The following SLC45A4 variants were observed in gnomAD, a reference collection of about 807,000 sequenced individuals.
The protein encoded by SLC45A4 is polyamine-transporter SLC45A4.
A neutral mutation model predicts 63.7 loss-of-function variants in SLC45A4; 32 were observed. That is an observed-to-expected ratio of 0.50 (90% CI 0.38 to 0.67). SLC45A4 has a LOEUF of 0.67. Ranked by LOEUF, SLC45A4 falls within the 30% of genes least tolerant of loss-of-function variation. The pLI, the probability that SLC45A4 is intolerant of heterozygous loss-of-function variation, is 0.00. For synonymous variants in SLC45A4, 535 were observed against 510.0 expected, an observed-to-expected ratio of 1.05 and a Z score of -0.66; for missense variants, 1,027 against 1,157.7, an observed-to-expected ratio of 0.89 and a Z score of 1.64.
chr8:141,223,527 G>T (rs779058288), intron 2 of SLC45A4, among the ~76,000 whole-genome samples: 1 of 152,172 alleles, frequency 6.6e-6, no homozygotes, highest in Non-Finnish European at 1.5e-5. Context: ...CGGCAAACCC[G>T]TGCCAGGCAG....
chr8:141,289,716 C>T (rs1830278154), intron 1 of SLC45A4, among the ~76,000 whole-genome samples: 1 of 152,092 alleles, frequency 6.6e-6, no homozygotes, highest in Non-Finnish European at 1.5e-5. Flanking sequence ...CGGCTGTGGC[C>T]TCTGCAGAGG....
At chr8:141,249,114 C>CTAAA (rs1828351263) in intron 2 of SLC45A4, among the ~76,000 whole-genome samples, 5 of 151,792 alleles carry the variant, frequency 3.3e-5, no homozygotes. Flanking sequence ...ACTGACAACA[C>CTAAA]TAAACATTGA....
rs536695880 is a variant in SLC45A4 at position 141,274,903 on chromosome 8, C to T, written c.-400-20274G>A. ...GTAAACTCACAACAGGGGTTCACCA[C>T]AAGGAAAAGGGGGCCCCAGGGGCAT... On this transcript the variant is annotated intron_variant, in intron 1 of 8. Coordinates refer to ENST00000517878, the MANE Select transcript of SLC45A4 (RefSeq NM_001286646.2). 7.9e-5 allele frequency among the ~76,000 whole-genome samples: 12 copies of T among 152,326 alleles called. No individual in the cohort carries two copies. In the South Asian group the frequency reaches 2.1e-3, roughly 26 times the overall value.
Position 141,249,677 on chromosome 8 carries a change from G to A in SLC45A4, c.241+4312C>T, listed in dbSNP as rs370883438. On this transcript the variant is annotated intron_variant, in intron 2 of 8. Transcript: ENST00000517878. Reference sequence around the variant, plus strand: ...CAACTGTCAAACTGCCCGGAGTGAAGGTAACAGTATTTCCAAATCCAATCA... The same window carrying A: ...CAACTGTCAAACTGCCCGGAGTGAAAGTAACAGTATTTCCAAATCCAATCA... 2.6e-5 allele frequency among the ~76,000 whole-genome samples: 4 copies of A among 152,184 alleles called. No individual in the cohort carries two copies. In the East Asian group the frequency reaches 7.7e-4, roughly 29 times the overall value.
intron 2 of SLC45A4, among the ~76,000 whole-genome samples, chr8:141,250,086 G>A (rs574228107): frequency 9.2e-5 from 14 of 152,140 alleles, no homozygotes; most frequent in Non-Finnish European, 1.6e-4. Context: ...ATTTCTGGAG[G>A]TTTATATGGA....
intron 2 of SLC45A4, among the ~76,000 whole-genome samples, chr8:141,244,904 CCT>C (rs555424024): frequency 3.0e-5 from 4 of 134,306 alleles, no homozygotes; most frequent in African/African-American, 1.1e-4. Flanking sequence ...GCCCAGAAAA[CCT>C]CTGAGTTTGG....
Position 141,212,251 on chromosome 8 carries a change from C to T in SLC45A4, c.2247G>A (p.Val749=), listed in dbSNP as rs369431188. The change falls in exon 8 of 9, where the codon GTG becomes GTA. Residue 749 remains valine (V), a synonymous_variant. Coordinates refer to ENST00000517878, the MANE Select transcript of SLC45A4 (RefSeq NM_001286646.2). ...GGCCCTCCTTCCGCGTGAGCTTCAG[C>T]ACGGTGGGCTTTTCGCTGTTCCCAC... ...RAGGNSEKPT[V]LKLTRKEGLQ... The T allele has an allele frequency of 7.8e-5, 123 of 1,581,240 alleles. 1 individual carries two copies. In the African/African-American group the frequency reaches 9.8e-4, roughly 13 times the overall value.
At chr8:141,219,222 C>T (rs1243748363) in intron 4 of SLC45A4, among the ~76,000 whole-genome samples, 193 bp from the exon 5 acceptor site, 1 of 152,242 alleles carries the variant, frequency 6.6e-6, no homozygotes, top group Non-Finnish European at 1.5e-5. Context: ...AATTCTGACC[C>T]GACAGAACTG....
At chr8:141,294,535 G>A (rs1830472269) in intron 1 of SLC45A4, among the ~76,000 whole-genome samples, 1 of 152,226 alleles carries the variant, frequency 6.6e-6, no homozygotes, top group South Asian at 2.1e-4. Context: ...TGGGACTGTG[G>A]AGCCCCATGA....
At chr8:141,255,558 A>G (rs1828733786) in intron 1 of SLC45A4, among the ~76,000 whole-genome samples, 1 of 152,202 alleles carries the variant, frequency 6.6e-6, no homozygotes, top group African/African-American at 2.4e-5. Context: ...TCTACTAAAA[A>G]TACAAAAATT....
At chr8:141,297,688 G>A (rs1345440039) in intron 1 of SLC45A4, among the ~76,000 whole-genome samples, 3 of 152,236 alleles carry the variant, frequency 2.0e-5, no homozygotes. Context: ...GCCACACACA[G>A]CCTGCACCTG....
intron 1 of SLC45A4, among the ~76,000 whole-genome samples, chr8:141,295,927 G>A (rs1397947943): frequency 2.6e-5 from 4 of 152,210 alleles, no homozygotes; most frequent in African/African-American, 9.6e-5. Flanking sequence ...GGCACAAAGG[G>A]ACAAGGTGTC....
chr8:141,219,833 C>T lies in SLC45A4; in HGVS notation c.431-4G>A, dbSNP rs764048316. On this transcript the variant is annotated splice_polypyrimidine_tract_variant and splice_region_variant and intron_variant, in intron 3 of 8. Coordinates refer to ENST00000517878, the MANE Select transcript of SLC45A4 (RefSeq NM_001286646.2). Reference sequence around the variant, plus strand: ...GGGACATCGCCGAGGGCCAGACCTGCGCAGAGCACACGGGAGGGCGGTCAG... The same window carrying T: ...GGGACATCGCCGAGGGCCAGACCTGTGCAGAGCACACGGGAGGGCGGTCAG... 22 of 1,572,016 alleles carry T rather than the reference C, an allele frequency of 1.4e-5. No individual in the cohort carries two copies. The highest frequency in any genetic ancestry group is 2.4e-5 in the East Asian group (1 of 42,172).
rs950824027 is a variant in SLC45A4 at position 141,256,491 on chromosome 8, C to G, written c.-400-1862G>C. On this transcript the variant is annotated intron_variant, in intron 1 of 8. Transcript: ENST00000517878. This position sits in a 1 kb window ranked among gnomAD's most constrained non-coding sequence, Gnocchi z 4.3. ...GTCTTCACTCGGCTCCTCTCTCACACAGCCCTGATGGAGAAGGTGGGTCCC... is the reference window on the plus strand; with the variant it reads ...GTCTTCACTCGGCTCCTCTCTCACAGAGCCCTGATGGAGAAGGTGGGTCCC... 13 of 455,194 alleles carry G rather than the reference C, an allele frequency of 2.9e-5. No individual in the cohort carries two copies. Among genetic ancestry groups the G allele is most frequent in the Admixed American group, 1.4e-4 (6 of 42,494 alleles). 28.2% of individuals were successfully genotyped at this position (455,194 alleles called of 1,614,324 possible). A position where few individuals can be genotyped will look rare whatever the true frequency, so the allele number is the denominator to read the frequency against.
Position 141,268,291 on chromosome 8 carries a change from G to A in SLC45A4, c.-400-13662C>T, listed in dbSNP as rs958579842. Among the ~76,000 whole-genome samples the A allele has an allele frequency of 3.3e-5, 5 of 152,186 alleles. No homozygotes were observed. In the East Asian group the frequency reaches 5.8e-4, roughly 18 times the overall value. ...TCAAGCACACAGTAAAAGAAGCAGC[G>A]GTGACCAGGGCCTGGGGAAGAAGAG... is the stretch of plus-strand genomic sequence containing the variant. On this transcript the variant is annotated intron_variant, in intron 1 of 8. Coordinates refer to ENST00000517878, the MANE Select transcript of SLC45A4 (RefSeq NM_001286646.2).
chr8:141,230,710 T>G (rs1187607710), intron 2 of SLC45A4, among the ~76,000 whole-genome samples: 2 of 152,064 alleles, frequency 1.3e-5, no homozygotes, highest in Non-Finnish European at 2.9e-5. Context: ...TATCTTCCTG[T>G]GGAATTAGCC....
At position 141,281,988 on chromosome 8, in the gene SLC45A4, G is replaced by A. The variant is rs767661344; in HGVS notation, c.-401+26108C>T. ...CGAGCTGCACGGCACCTTTCCTAACGCCAGGACGCATGGTTGGCAAGGACA... is the reference window on the plus strand; with the variant it reads ...CGAGCTGCACGGCACCTTTCCTAACACCAGGACGCATGGTTGGCAAGGACA... On this transcript the variant is annotated intron_variant, in intron 1 of 8. Coordinates refer to ENST00000517878, the MANE Select transcript of SLC45A4 (RefSeq NM_001286646.2). Among the ~76,000 whole-genome samples the A allele has an allele frequency of 3.9e-4, 60 of 152,062 alleles. 1 individual carries two copies. The highest frequency in any genetic ancestry group is 4.3e-4 in the Non-Finnish European group (29 of 68,024).
chr8:141,275,308 G>C (rs1829689701), intron 1 of SLC45A4, among the ~76,000 whole-genome samples: 1 of 152,146 alleles, frequency 6.6e-6, no homozygotes, highest in African/African-American at 2.4e-5. Context: ...GGAATTAATT[G>C]GGACAGTCCC....
chr8:141,247,007 A>C (rs1304663592), intron 2 of SLC45A4, among the ~76,000 whole-genome samples: 1 of 152,200 alleles, frequency 6.6e-6, no homozygotes, highest in Non-Finnish European at 1.5e-5. Context: ...AGTAAGCAGA[A>C]GAAAACAAAA....
Sources: allele counts gnomAD v4.1 joint callset (sites outside exome capture counted in the v4.1 genomes callset), GRCh38; gene constraint gnomAD v4.1.1; non-coding constraint Gnocchi (gnomAD v3.1); transcripts MANE v1.5; gene names NCBI Gene and HGNC (gene_info 2026-07-23, HGNC 2026-07-21).